Variants in DHCR24 observed in about 807,000 individuals in gnomAD.
DHCR24 encodes delta(24)-sterol reductase.
In DHCR24, 28 loss-of-function variants were observed where a neutral mutation model predicts 61.2. The observed-to-expected ratio is 0.46, with a 90% CI of 0.34 to 0.63. The LOEUF (loss-of-function observed/expected upper bound fraction) is 0.63. Among genes scored for constraint, DHCR24 ranks in the 20% least tolerant of loss-of-function variants. The probability of loss-of-function intolerance (pLI) is 0.01; values close to 1 mark genes in which losing one functional copy is unlikely to be tolerated. For synonymous variants in DHCR24, 261 were observed against 275.9 expected, an observed-to-expected ratio of 0.95 and a Z score of 0.54; for missense variants, 538 against 679.1, an observed-to-expected ratio of 0.79 and a Z score of 2.31.
At chr1:54,881,165 A>G (rs1647062103) in intron 2 of DHCR24, among the ~76,000 whole-genome samples, 1 of 152,218 alleles carries the variant, frequency 6.6e-6, no homozygotes, top group South Asian at 2.1e-4. Flanking sequence ...GAAAAACTAA[A>G]TAAAGCTTCT....
rs905254815 is a variant in DHCR24, at chr1:54,853,349, T to C, written c.1397+85A>G. The C allele has an allele frequency of 3.2e-6, 5 of 1,558,288 alleles. No individual in the cohort carries two copies. In the African/African-American group the frequency reaches 6.8e-5, roughly 21 times the overall value. ...AGTTGATAGGCTTGGGGCTCCTGGT[T>C]CTCCATAGAGCTGGCCTCATTCCCC... On this transcript the variant is annotated intron_variant, in intron 8 of 8. Coordinates refer to ENST00000371269, the MANE Select transcript of DHCR24 (RefSeq NM_014762.4).
rs750124322 is a variant in DHCR24 at position 54,875,113 on chromosome 1, T to C, written c.592A>G (p.Ser198Gly). The C allele has an allele frequency of 6.2e-7, 1 of 1,613,972 alleles. No individual in the cohort carries two copies. Among genetic ancestry groups the C allele is most frequent in the Non-Finnish European group, 8.5e-7 (1 of 1,179,992 alleles). ...CTCACCGGAGTGCATCGCACAAAGC[T>C]GCCATCAGCCAGGACCAGCTCGTAA... ...TAYELVLADG[S>G]FVRCTPSENS... The change falls in exon 4 of 9, where the codon AGC becomes GGC. Residue 198 changes from serine (S) to glycine (G), a missense_variant. Physicochemically the swap from Ser to Gly is moderately conservative, Grantham distance 56. Coordinates refer to ENST00000371269, the MANE Select transcript of DHCR24 (RefSeq NM_014762.4).
At position 54,871,602 on chromosome 1, in the gene DHCR24, T is replaced by C. The variant is rs1262415830; in HGVS notation, c.624A>G (p.Ser208=). Residue 208 remains serine (S), a synonymous_variant, in exon 5 of 9, where the codon TCA becomes TCG. Transcript: ENST00000371269. ...ACCAGGGTACGGCATAGAACAGGTC[T>C]GAGTTTTCGGACTGTGAGACAGAAT... ...SFVRCTPSEN[S]DLFYAVPWSC... 3 of 1,614,052 alleles carry C rather than the reference T, an allele frequency of 1.9e-6. No individual in the cohort carries two copies. The highest frequency in any genetic ancestry group is 2.5e-6 in the Non-Finnish European group (3 of 1,180,026).
In DHCR24 at chr1:54,850,280, T is replaced by G. The variant is rs1428332946; in HGVS notation, c.*1953A>C. On this transcript the variant is annotated 3_prime_UTR_variant, in exon 9 of 9. Coordinates refer to ENST00000371269, the MANE Select transcript of DHCR24 (RefSeq NM_014762.4). ...TGGCAAAACAATGGCACTGTTTAACTAGCTCGTGTTAACCATTCATCTACA... is the reference window on the plus strand; with the variant it reads ...TGGCAAAACAATGGCACTGTTTAACGAGCTCGTGTTAACCATTCATCTACA... The G allele has an allele frequency of 6.6e-6, 1 of 152,254 alleles. No individual in the cohort carries two copies. Among genetic ancestry groups the G allele is most frequent in the Non-Finnish European group, 1.5e-5 (1 of 68,058 alleles). 9.4% of individuals were successfully genotyped at this position (152,254 alleles called of 1,614,324 possible).
At chr1:54,881,030 C>T (rs575151607) in intron 2 of DHCR24, among the ~76,000 whole-genome samples, 4 of 151,968 alleles carry the variant, frequency 2.6e-5, no homozygotes, top group Admixed American at 2.0e-4. Context: ...CATGCCTGTA[C>T]TCCCAGCTAC....
At chr1:54,861,548 C>G (rs562998491) in intron 6 of DHCR24, among the ~76,000 whole-genome samples, 83 of 152,288 alleles carry the variant, frequency 5.5e-4, no homozygotes, top group African/African-American at 1.8e-3. Flanking sequence ...TTGTCAGTCC[C>G]TGGGGGCCTC....
In DHCR24 at chr1:54,871,500, G is replaced by T. The variant is rs138043637; in HGVS notation, c.726C>A (p.Phe242Leu). Residue 242 changes from phenylalanine (F) to leucine (L), a missense_variant, in exon 5 of 9, where the codon TTC (phenylalanine) becomes TTA (leucine). Physicochemically the swap from Phe to Leu is conservative, Grantham distance 22. Transcript: ENST00000371269. ...IPAKKYVKLR[F>L]EPVRGLEAIC... ...TAGCCTCCAGGCCCCGCACTGGCTC[G>T]AAACGCAGCTTGACGTACTTCTTGG... is the stretch of plus-strand genomic sequence containing the variant. The T allele has an allele frequency of 7.1e-5, 114 of 1,614,204 alleles. No individual in the cohort carries two copies. In the Admixed American group the frequency reaches 1.9e-3, roughly 26 times the overall value.
At chr1:54,880,129 A>G (rs959785603) in intron 2 of DHCR24, among the ~76,000 whole-genome samples, 3 of 152,206 alleles carry the variant, frequency 2.0e-5, no homozygotes, top group African/African-American at 7.2e-5. Flanking sequence ...AAAAAAGAGA[A>G]CAGAAACAAA....
At position 54,854,224 on chromosome 1, in the gene DHCR24, G is replaced by C; in HGVS notation, c.1031C>G (p.Pro344Arg). The change falls in exon 7 of 9, where the codon CCC becomes CGC. Residue 344 changes from proline (P) to arginine (R), a missense_variant. By Grantham distance (103) the Pro-to-Arg change is moderately radical. Coordinates refer to ENST00000371269, the MANE Select transcript of DHCR24 (RefSeq NM_014762.4). ...GCGGAAGATGGGGTTGTTGCCAAAGGGGATAATGTCCTGGAAAACAAAGAT... is the reference window on the plus strand; with the variant it reads ...GCGGAAGATGGGGTTGTTGCCAAAGCGGATAATGTCCTGGAAAACAAAGAT... ...SIFWELQDII[P>R]FGNNPIFRYL... 2.5e-6 allele frequency: 4 copies of C among 1,613,678 alleles called. No homozygotes were observed. Among genetic ancestry groups the C allele is most frequent in the Non-Finnish European group, 3.4e-6 (4 of 1,179,834 alleles).
intron 1 of DHCR24, 109 bp downstream of exon 1, chr1:54,886,780 G>T: frequency 6.9e-7 from 1 of 1,458,426 alleles, no homozygotes; most frequent in Non-Finnish European, 9.1e-7. Context: ...ACCCCCCCAG[G>T]AAGTCCTGGC....
chr1:54,862,268 G>C (rs1222546251), intron 6 of DHCR24, among the ~76,000 whole-genome samples: 4 of 152,132 alleles, frequency 2.6e-5, no homozygotes, highest in African/African-American at 9.7e-5. Context: ...TGCCTCTCTT[G>C]ATAGTGAGCC....
chr1:54,886,121 G>C (rs76534369), intron 1 of DHCR24, among the ~76,000 whole-genome samples: 1,826 of 152,276 alleles, frequency 0.012, 12 homozygotes, highest in Non-Finnish European at 0.019. Context: ...CAACAAGAGA[G>C]GAACATAAAG....
At chr1:54,879,261 G>A (rs772345388) in intron 2 of DHCR24, among the ~76,000 whole-genome samples, 1 of 147,722 alleles carries the variant, frequency 6.8e-6, no homozygotes, top group Non-Finnish European at 1.5e-5. Context: ...GGAGGTTGCA[G>A]TGAGCCGAAA....
Position 54,865,272 on chromosome 1 carries a change from G to A in DHCR24, c.1020+31C>T, listed in dbSNP as rs746714566. 1.9e-6 allele frequency: 3 copies of A among 1,605,370 alleles called. No homozygotes were observed. In the Middle Eastern group the frequency reaches 5.7e-4, roughly 303 times the overall value. On this transcript the variant is annotated intron_variant, in intron 6 of 8. Transcript: ENST00000371269. ...GGGCTCCCTGCCCAGCTGGCCTGGA[G>A]GAGCCAGGGCTACAGAAACCTAAGC... is the stretch of plus-strand genomic sequence containing the variant.
chr1:54,868,112 A>G (rs968000122), intron 5 of DHCR24, among the ~76,000 whole-genome samples: 2 of 152,204 alleles, frequency 1.3e-5, no homozygotes, highest in African/African-American at 4.8e-5. Flanking sequence ...TTAAGTATGT[A>G]TATAGGTATA....
Position 54,854,104 on chromosome 1 carries a change from A to G in DHCR24, c.1151T>C (p.Val384Ala), listed in dbSNP as rs1646893663. The change falls in exon 7 of 9, where the codon GTG (valine) becomes GCG (alanine). Residue 384 changes from valine to alanine, a missense_variant. Val to Ala is a moderately conservative substitution (Grantham distance 64, BLOSUM62 0). Coordinates refer to ENST00000371269, the MANE Select transcript of DHCR24 (RefSeq NM_014762.4). ...LRKLYEQHHV[V>A]QDMLVPMKCL... is the part of the protein sequence containing the mutation. The stretch of plus-strand genomic sequence containing the variant: ...CTTCATGGGCACCAGCATGTCCTGC[A>G]CCACGTGGTGCTGCTCGTACAGCTT... 1 of 1,613,978 alleles carries G rather than the reference A, an allele frequency of 6.2e-7. No individual in the cohort carries two copies. Among genetic ancestry groups the G allele is most frequent in the Non-Finnish European group, 8.5e-7 (1 of 1,179,994 alleles).
At chr1:54,878,511 T>C (rs1472206652) in intron 2 of DHCR24, among the ~76,000 whole-genome samples, 5 of 55,176 alleles carry the variant, frequency 9.1e-5, no homozygotes, top group Non-Finnish European at 1.5e-4. Context: ...TGAAACTCTG[T>C]CTCAAAAAAA....
intron 2 of DHCR24, among the ~76,000 whole-genome samples, chr1:54,877,380 G>A (rs895900560): frequency 4.0e-5 from 6 of 151,408 alleles, no homozygotes; most frequent in African/African-American, 7.3e-5. Flanking sequence ...ACTTCTAGCC[G>A]AAGTGGAATA....
chr1:54,883,484 G>A lies in DHCR24; in HGVS notation c.387+134C>T. 5 of 1,118,162 alleles carry A rather than the reference G, an allele frequency of 4.5e-6. No individual in the cohort carries two copies. The highest frequency in any genetic ancestry group is 4.7e-5 in the East Asian group (2 of 42,552). The allele number at this position is 1,118,162 out of a possible 1,614,324, so 69.3% of individuals were successfully genotyped here. A position where few individuals can be genotyped will look rare whatever the true frequency, so the allele number is the denominator to read the frequency against. ...GGCTTGAGGACAGCAATGGCAGGGA[G>A]TATCTTCTATGACTGTGGGCATTGG... On this transcript the variant is annotated intron_variant, in intron 2 of 8. Coordinates refer to ENST00000371269, the MANE Select transcript of DHCR24 (RefSeq NM_014762.4). This position sits in a 1 kb window ranked among gnomAD's most constrained non-coding sequence, Gnocchi z 4.3.
Sources: gnomAD v4.1 joint callset for allele counts (sites outside exome capture counted in the v4.1 genomes callset) on GRCh38, gnomAD v4.1.1 for gene constraint, Gnocchi (gnomAD v3.1) non-coding constraint, MANE v1.5 for transcripts, NCBI Gene and HGNC (gene_info 2026-07-23, HGNC 2026-07-21) for gene names.